The following FBXL7 variants were observed in gnomAD, a reference collection of about 807,000 sequenced individuals.
The protein encoded by FBXL7 is F-box and leucine rich repeat protein 7, also known as F-box/LRR-repeat protein 7.
A neutral mutation model predicts 38.3 loss-of-function variants in FBXL7; 12 were observed. The ratio of observed to expected loss-of-function variants is 0.31; its 90% CI spans 0.20 to 0.51. The LOEUF (loss-of-function observed/expected upper bound fraction) is 0.51, where lower values mean the gene tolerates loss of function less well. Ranked by LOEUF, FBXL7 falls within the 20% of genes least tolerant of loss-of-function variation. The probability of loss-of-function intolerance (pLI) is 0.98; values close to 1 mark genes in which losing one functional copy is unlikely to be tolerated. For missense variants in FBXL7, 567 were observed against 676.4 expected, an observed-to-expected ratio of 0.84 and a Z score of 1.79; for synonymous variants, 297 against 300.9, an observed-to-expected ratio of 0.99 and a Z score of 0.13.
At chr5:15,584,134 G>T (rs1450219561) in intron 1 of FBXL7, among the ~76,000 whole-genome samples, 1 of 152,178 alleles carries the variant, frequency 6.6e-6, no homozygotes, top group Non-Finnish European at 1.5e-5. Flanking sequence ...TCTTGGGGCT[G>T]CACAGAGCAG....
chr5:15,557,268 A>G (rs972170106), intron 1 of FBXL7, among the ~76,000 whole-genome samples: 1 of 152,202 alleles, frequency 6.6e-6, no homozygotes, highest in African/African-American at 2.4e-5. Context: ...CCTGAAATAC[A>G]TTCAGGCACA....
intron 2 of FBXL7, among the ~76,000 whole-genome samples, chr5:15,729,457 G>A (rs1282137479): frequency 6.6e-6 from 1 of 151,954 alleles, no homozygotes; most frequent in Non-Finnish European, 1.5e-5. Context: ...TAAAATTTCT[G>A]TTATTAGCCT....
intron 2 of FBXL7, among the ~76,000 whole-genome samples, chr5:15,906,512 A>T (rs1301928052): frequency 2.0e-4 from 29 of 146,036 alleles, no homozygotes; most frequent in African/African-American, 7.5e-4. Flanking sequence ...ATCCACAAAA[A>T]ATTTTTTTTT....
chr5:15,858,549 G>A (rs1739340777), intron 2 of FBXL7, among the ~76,000 whole-genome samples: 1 of 152,166 alleles, frequency 6.6e-6, no homozygotes, highest in African/African-American at 2.4e-5. Context: ...GGCAATAAAT[G>A]CTGTCAGATG....
chr5:15,628,003 C>T (rs900099755), intron 2 of FBXL7, among the ~76,000 whole-genome samples: 4 of 152,102 alleles, frequency 2.6e-5, no homozygotes, highest in Non-Finnish European at 4.4e-5. Context: ...GTAGAAAGTC[C>T]ACACTGTGGA....
At chr5:15,602,359 G>A (rs1739823939) in intron 1 of FBXL7, 1 of 143,976 alleles carries the variant, frequency 6.9e-6, no homozygotes, top group African/African-American at 2.4e-5. Flanking sequence ...GTTGAATGGT[G>A]CTGGTAAGGA....
intron 1 of FBXL7, among the ~76,000 whole-genome samples, chr5:15,527,700 C>T (rs1290110322): frequency 6.6e-6 from 1 of 152,160 alleles, no homozygotes; most frequent in African/African-American, 2.4e-5. Context: ...TTGTATGGTT[C>T]ATAAGCTTTA....
chr5:15,640,813 C>T (rs550685195), intron 2 of FBXL7, among the ~76,000 whole-genome samples: 79 of 152,278 alleles, frequency 5.2e-4, no homozygotes, highest in African/African-American at 1.8e-3. Context: ...TGATAGCCAC[C>T]GTGCCTGGCC....
intron 2 of FBXL7, among the ~76,000 whole-genome samples, chr5:15,864,089 T>A (rs992081382): frequency 2.0e-5 from 3 of 152,146 alleles, no homozygotes; most frequent in Middle Eastern, 3.4e-3. Context: ...TCACTTAACA[T>A]GAGTGTCTAG....
At chr5:15,536,569 G>A (rs1469418044) in intron 1 of FBXL7, among the ~76,000 whole-genome samples, 1 of 152,178 alleles carries the variant, frequency 6.6e-6, no homozygotes, top group Non-Finnish European at 1.5e-5. Context: ...GGACTTTCGT[G>A]GGGCCTGTAG....
chr5:15,772,431 T>C (rs1488595537), intron 2 of FBXL7, among the ~76,000 whole-genome samples: 3 of 152,184 alleles, frequency 2.0e-5, no homozygotes, highest in Non-Finnish European at 4.4e-5. Flanking sequence ...CAAAACCCTC[T>C]CTTTCCATGG....
chr5:15,819,480 G>A (rs190552666), intron 2 of FBXL7, among the ~76,000 whole-genome samples: 12 of 152,242 alleles, frequency 7.9e-5, no homozygotes, highest in Non-Finnish European at 1.3e-4. Context: ...CTAAGCATTT[G>A]TGTACTGCAT....
chr5:15,604,936 G>A (rs1314389133), intron 1 of FBXL7, among the ~76,000 whole-genome samples: 3 of 152,132 alleles, frequency 2.0e-5, no homozygotes, highest in Non-Finnish European at 4.4e-5. Context: ...TTTGCAGCAG[G>A]TGTGTGCAGG....
chr5:15,731,715 A>T (rs770177801), intron 2 of FBXL7, among the ~76,000 whole-genome samples: 14 of 152,194 alleles, frequency 9.2e-5, no homozygotes, highest in Non-Finnish European at 1.8e-4. Context: ...CACATAATAC[A>T]TGGATTACCT....
chr5:15,693,172 T>C (rs12153747), intron 2 of FBXL7, among the ~76,000 whole-genome samples: 97,254 of 151,898 alleles, frequency 0.64, 31,854 homozygotes, highest in East Asian at 0.73. Context: ...GGGTCTTACT[T>C]TGGCAAGTGA....
intron 2 of FBXL7, among the ~76,000 whole-genome samples, chr5:15,763,083 C>T (rs531296467): frequency 2.0e-5 from 3 of 152,254 alleles, no homozygotes; most frequent in African/African-American, 4.8e-5. Context: ...GCGACCCTTC[C>T]ATCTCCCAAA....
rs188136696 is a variant in FBXL7, at chr5:15,546,509, G to T, written c.37+45796G>T. 1.5e-3 allele frequency among the ~76,000 whole-genome samples: 225 copies of T among 151,286 alleles called. 4 individuals carry two copies. The highest frequency in any genetic ancestry group is 0.015 in the Admixed American group (224 of 15,134). On this transcript the variant is annotated intron_variant, in intron 1 of 3. Coordinates refer to ENST00000504595, the MANE Select transcript of FBXL7 (RefSeq NM_012304.5). The stretch of plus-strand genomic sequence containing the variant: ...TTGAATCCGGGATGCAGAGGTTGCA[G>T]TGAGCTGAGATGGCGCCATTGCACT...
intron 2 of FBXL7, among the ~76,000 whole-genome samples, chr5:15,795,779 A>G (rs930352447): frequency 6.6e-6 from 1 of 152,192 alleles, no homozygotes; most frequent in Non-Finnish European, 1.5e-5. Context: ...GGAAGGAAAT[A>G]AGCACACACC....
chr5:15,614,043 C>G (rs185101634), intron 1 of FBXL7, among the ~76,000 whole-genome samples: 2 of 152,112 alleles, frequency 1.3e-5, no homozygotes, highest in African/African-American at 4.8e-5. Flanking sequence ...CAAGGCCCCA[C>G]CTCCTTATAC....
Sources: gnomAD v4.1 joint callset for allele counts (sites outside exome capture counted in the v4.1 genomes callset) on GRCh38, gnomAD v4.1.1 for gene constraint, MANE v1.5 for transcripts, NCBI Gene and HGNC (gene_info 2026-07-23, HGNC 2026-07-21) for gene names.